The following DAB1 variants were observed in gnomAD, a reference collection of about 807,000 sequenced individuals.
DAB1 encodes disabled homolog 1.
DAB1 carries 15 observed loss-of-function variants against 64.6 expected under a neutral mutation model. That is an observed-to-expected ratio of 0.23 (90% CI 0.16 to 0.36). DAB1 has a LOEUF of 0.36. Ranked by LOEUF, DAB1 falls within the 10% of genes least tolerant of loss-of-function variation. DAB1 has a pLI of 1.00. For missense variants in DAB1, 596 were observed against 706.7 expected (o/e 0.84, Z 1.78); for synonymous variants, 235 against 251.9 (o/e 0.93, Z 0.64).
intron 3 of DAB1, among the ~76,000 whole-genome samples, chr1:58,456,910 G>A (rs750671110): frequency 2.5e-4 from 38 of 152,006 alleles, no homozygotes; most frequent in Non-Finnish European, 4.6e-4. Flanking sequence ...TGAGACCCCC[G>A]GAATTCATTA....
intron 4 of DAB1, among the ~76,000 whole-genome samples, chr1:58,327,608 C>A (rs188353986): frequency 6.6e-6 from 1 of 152,086 alleles, no homozygotes; most frequent in South Asian, 2.1e-4. Context: ...TATGGGGATG[C>A]GAATAGTACT....
At chr1:58,025,601 T>G (rs1450455651) in intron 5 of DAB1, among the ~76,000 whole-genome samples, 1 of 146,368 alleles carries the variant, frequency 6.8e-6, no homozygotes, top group East Asian at 2.0e-4. Flanking sequence ...TTCTCTTGTC[T>G]CCTATTAAAT....
intron 5 of DAB1, among the ~76,000 whole-genome samples, chr1:58,099,903 G>A (rs1489324627): frequency 2.6e-5 from 4 of 152,154 alleles, no homozygotes; most frequent in African/African-American, 9.7e-5. Context: ...TGCATGTGAT[G>A]TCCCTTTCCT....
chr1:57,669,474 C>T (rs558628688), intron 6 of DAB1, among the ~76,000 whole-genome samples: 66 of 152,202 alleles, frequency 4.3e-4, no homozygotes, highest in Non-Finnish European at 5.9e-4. Flanking sequence ...CCCCCCTGCC[C>T]GCCATGAAAA....
chr1:58,047,590 C>A (rs184531489), intron 5 of DAB1, among the ~76,000 whole-genome samples: 1 of 152,278 alleles, frequency 6.6e-6, no homozygotes, highest in Non-Finnish European at 1.5e-5. Context: ...TTTTTTTTAA[C>A]CCATTCGCTT....
chr1:57,726,582 A>G (rs896670164), intron 6 of DAB1, among the ~76,000 whole-genome samples: 31 of 152,328 alleles, frequency 2.0e-4, no homozygotes, highest in African/African-American at 7.2e-4. Context: ...ATTGCAGCTA[A>G]AGAGTATTAA....
intron 5 of DAB1, among the ~76,000 whole-genome samples, chr1:57,968,261 G>C (rs758929848): frequency 6.6e-6 from 1 of 152,042 alleles, no homozygotes; most frequent in Non-Finnish European, 1.5e-5. Context: ...AGAAGCTTTT[G>C]AGATAGATTA....
At chr1:57,972,905 T>G (rs561835341) in intron 5 of DAB1, among the ~76,000 whole-genome samples, 18 of 152,370 alleles carry the variant, frequency 1.2e-4, no homozygotes, top group African/African-American at 4.3e-4. Context: ...TCTGCATATT[T>G]CTTCATGCAC....
rs755329884 is a variant in DAB1 at position 58,148,698 on chromosome 1, G to A, written n.387+1813C>T. Among the ~76,000 whole-genome samples, 23 of 152,224 alleles carry A rather than the reference G, an allele frequency of 1.5e-4. 1 individual carries two copies. In the South Asian group the frequency reaches 1.9e-3, roughly 12 times the overall value. Reference sequence around the variant, plus strand: ...TACATGGTGGCAGGAAAGAGCTTGCGCAGGGGAACTGCCCTTTATAAAACC... The same window carrying A: ...TACATGGTGGCAGGAAAGAGCTTGCACAGGGGAACTGCCCTTTATAAAACC... On this transcript the variant is annotated intron_variant and non_coding_transcript_variant, in intron 5 of 20. Transcript: ENST00000485760.
chr1:57,556,269 C>T (rs1297454739), intron 7 of DAB1, among the ~76,000 whole-genome samples: 1 of 152,006 alleles, frequency 6.6e-6, no homozygotes, highest in Non-Finnish European at 1.5e-5. Context: ...CGTATAATGA[C>T]TTATTTTCCT....
chr1:58,161,488 A>T (rs1655533478), intron 4 of DAB1, among the ~76,000 whole-genome samples: 1 of 152,206 alleles, frequency 6.6e-6, no homozygotes, highest in Non-Finnish European at 1.5e-5. Flanking sequence ...ATTGCAGCTG[A>T]AGCACTGGGT....
intron 3 of DAB1, among the ~76,000 whole-genome samples, chr1:58,478,671 A>G (rs1645443243): frequency 6.6e-6 from 1 of 152,178 alleles, no homozygotes. Flanking sequence ...TTGAATGCCT[A>G]TAATGTGCAA....
chr1:57,585,563 C>T (rs915962241), intron 7 of DAB1, among the ~76,000 whole-genome samples: 1 of 152,172 alleles, frequency 6.6e-6, no homozygotes, highest in African/African-American at 2.4e-5. Flanking sequence ...TGGTTCTTCA[C>T]AGTCCCAATC....
At position 56,998,518 on chromosome 1, in the gene DAB1, TA is replaced by T. The variant is rs376892094; in HGVS notation, c.*16-391del. 4.3e-3 allele frequency among the ~76,000 whole-genome samples: 649 copies of T among 152,302 alleles called. 6 individuals carry two copies. The highest frequency in any genetic ancestry group is 0.015 in the African/African-American group (605 of 41,560). Reference sequence around the variant, plus strand: ...TTGAGGGAATTAGAGATTACACATATAAAGTATCTAGCACAATGCTTGCTAG... The same window carrying T: ...TTGAGGGAATTAGAGATTACACATATAAGTATCTAGCACAATGCTTGCTAG... On this transcript the variant is annotated intron_variant, in intron 14 of 14. Coordinates refer to ENST00000371236, the MANE Select transcript of DAB1 (RefSeq NM_001365792.1).
At chr1:58,096,092 G>A (rs943562271) in intron 5 of DAB1, among the ~76,000 whole-genome samples, 3 of 152,142 alleles carry the variant, frequency 2.0e-5, no homozygotes, top group Admixed American at 6.5e-5. Context: ...CAAGAGCATT[G>A]CTTAGGTTCT....
chr1:58,131,313 T>A (rs1319568374), intron 5 of DAB1, among the ~76,000 whole-genome samples: 1 of 140,438 alleles, frequency 7.1e-6, no homozygotes, highest in Non-Finnish European at 1.6e-5. Flanking sequence ...CTCCATCAGC[T>A]CCTTTAAGCA....
At chr1:58,172,310 T>C (rs1291417138) in intron 4 of DAB1, among the ~76,000 whole-genome samples, 1 of 152,198 alleles carries the variant, frequency 6.6e-6, no homozygotes, top group East Asian at 1.9e-4. Flanking sequence ...GTAAGGAAAT[T>C]GATGTAGTAG....
At chr1:57,924,801 T>G (rs971680484) in intron 5 of DAB1, among the ~76,000 whole-genome samples, 2 of 152,042 alleles carry the variant, frequency 1.3e-5, no homozygotes, top group African/African-American at 4.8e-5. Context: ...TTTACTCGTC[T>G]GATGGATATT....
intron 4 of DAB1, among the ~76,000 whole-genome samples, chr1:58,322,011 G>C (rs1039274388): frequency 2.6e-5 from 4 of 152,194 alleles, no homozygotes; most frequent in Non-Finnish European, 5.9e-5. Context: ...CCTCCAAGTA[G>C]GGGCTGACTG....
Sources: allele counts gnomAD v4.1 joint callset (sites outside exome capture counted in the v4.1 genomes callset), GRCh38; gene constraint gnomAD v4.1.1; transcripts MANE v1.5; gene names NCBI Gene and HGNC (gene_info 2026-07-23, HGNC 2026-07-21).